AR: variants seen among roughly 807,000 people sequenced by gnomAD.
AR encodes the protein androgen receptor, also known as dihydrotestosterone receptor.
In AR, 8 loss-of-function variants were observed where a neutral mutation model predicts 53.9. The ratio of observed to expected loss-of-function variants is 0.15; its 90% CI spans 0.09 to 0.27. The LOEUF (loss-of-function observed/expected upper bound fraction) is 0.27, where lower values mean the gene tolerates loss of function less well. Among genes scored for constraint, AR ranks in the 10% least tolerant of loss-of-function variants. The pLI is 1.00. For missense variants in AR, 639 were observed against 742.5 expected, an observed-to-expected ratio of 0.86 and a Z score of 1.62; for synonymous variants, 359 against 316.4, an observed-to-expected ratio of 1.13 and a Z score of -1.43.
At chrX:67,581,069 C>T (rs1240131739) in intron 1 of AR, among the ~76,000 whole-genome samples, 1 of 111,488 alleles carries the variant, frequency 9.0e-6, no homozygotes, top group Non-Finnish European at 1.9e-5. Context: ...TAATTATCTC[C>T]AGGTCTAAAC....
intron 1 of AR, among the ~76,000 whole-genome samples, chrX:67,621,989 G>T (rs769390752): frequency 3.6e-5 from 4 of 111,713 alleles, no homozygotes; most frequent in African/African-American, 1.3e-4. Flanking sequence ...TGATCTTGAA[G>T]AAATCAAAAT....
At chrX:67,718,768 G>T (rs573549410) in intron 5 of AR, among the ~76,000 whole-genome samples, 1 of 111,065 alleles carries the variant, frequency 9.0e-6, no homozygotes, top group Admixed American at 9.5e-5. Flanking sequence ...CGAGTAGCTG[G>T]GATTATAGAT....
At chrX:67,709,275 C>T (rs996443057) in intron 3 of AR, among the ~76,000 whole-genome samples, 63 of 112,174 alleles carry the variant, frequency 5.6e-4, no homozygotes, top group Middle Eastern at 4.6e-3. Flanking sequence ...CCTTGAGTTG[C>T]GGTAGGCTCC....
intron 6 of AR, among the ~76,000 whole-genome samples, chrX:67,722,372 A>T (rs923112666): frequency 2.7e-5 from 3 of 111,666 alleles, no homozygotes; most frequent in African/African-American, 9.8e-5. Flanking sequence ...ACAGGAGGAG[A>T]TCTATGTAAG....
chrX:67,570,799 G>C (rs1432565354), intron 1 of AR, among the ~76,000 whole-genome samples: 3 of 110,721 alleles, frequency 2.7e-5, no homozygotes, highest in African/African-American at 6.6e-5. Flanking sequence ...GTTTTGTTTG[G>C]GTTTTTGTTT....
intron 1 of AR, among the ~76,000 whole-genome samples, chrX:67,586,450 T>A (rs1400996888): frequency 8.9e-6 from 1 of 112,266 alleles, no homozygotes; most frequent in East Asian, 2.8e-4. Flanking sequence ...TGTCTGTAAC[T>A]CCTTTATCAC....
At chrX:67,643,738 G>A (rs1925913373) in intron 2 of AR, among the ~76,000 whole-genome samples, 1 of 111,885 alleles carries the variant, frequency 8.9e-6, no homozygotes, top group Non-Finnish European at 1.9e-5. Context: ...GCTAGTAAAG[G>A]AAAAATTTGT....
rs1389208368 is a variant in AR at position 67,544,758 on chromosome X, C to A, written c.-389C>A. 1 of 182,958 alleles carries A rather than the reference C, an allele frequency of 5.5e-6. No homozygotes were observed. Among genetic ancestry groups the A allele is most frequent in the Non-Finnish European group, 1.0e-5 (1 of 98,097 alleles). The allele number at this position is 182,958 out of a possible 1,213,427, so 15.1% of individuals were successfully genotyped here. ...AGCCAAAAAACAAAACAAACAAAAACAAAAAAGCCGAAATAAAAGAAAAAG... is the reference window on the plus strand; with the variant it reads ...AGCCAAAAAACAAAACAAACAAAAAAAAAAAAGCCGAAATAAAAGAAAAAG... On this transcript the variant is annotated 5_prime_UTR_variant, in exon 1 of 8. Transcript: ENST00000374690.
At chrX:67,667,671 T>C (rs1927340908) in intron 2 of AR, among the ~76,000 whole-genome samples, 1 of 111,855 alleles carries the variant, frequency 8.9e-6, no homozygotes, top group South Asian at 3.7e-4. Context: ...ATTTTAACAA[T>C]ATCAATTCTT....
In AR at chrX:67,724,670, G is replaced by GA. The variant is rs2076151142; in HGVS notation, c.*833dup. 5.8e-6 allele frequency: 1 copy of GA among 173,774 alleles called. No homozygotes were observed. The highest frequency in any genetic ancestry group is 3.2e-4 in the South Asian group (1 of 3,119). 14.3% of individuals were successfully genotyped at this position (173,774 alleles called of 1,213,427 possible). A position where few individuals can be genotyped will look rare whatever the true frequency, so the allele number is the denominator to read the frequency against. On this transcript the variant is annotated 3_prime_UTR_variant, in exon 8 of 8. Coordinates refer to ENST00000374690, the MANE Select transcript of AR (RefSeq NM_000044.6). ...CAACTGTGGAGCAATTCATTATACT[G>GA]AAAATGTGCTTGTTGTTGAAAATTT...
rs2147436782 is a variant in AR at position 67,643,413 on chromosome X, G to A, written c.1768+6G>A. 8.3e-7 allele frequency: 1 copy of A among 1,205,860 alleles called. No individual in the cohort carries two copies. Among genetic ancestry groups the A allele is most frequent in the Non-Finnish European group, 1.1e-6 (1 of 892,392 alleles). ...CTTCAAAAGAGCCGCTGAAGGTAAAGGGTCTTGCACATGCACTTCTCTTTC... is the reference window on the plus strand; with the variant it reads ...CTTCAAAAGAGCCGCTGAAGGTAAAAGGTCTTGCACATGCACTTCTCTTTC... On this transcript the variant is annotated splice_donor_region_variant and intron_variant, in intron 2 of 7. Transcript: ENST00000374690.
At chrX:67,708,099 C>T (rs772117992) in intron 3 of AR, among the ~76,000 whole-genome samples, 5 of 111,307 alleles carry the variant, frequency 4.5e-5, no homozygotes, top group East Asian at 2.8e-4. Flanking sequence ...TCAACTTTGG[C>T]GAATCTGATA....
intron 1 of AR, among the ~76,000 whole-genome samples, chrX:67,584,699 A>G (rs1394121896): frequency 8.9e-6 from 1 of 112,247 alleles, no homozygotes; most frequent in Non-Finnish European, 1.9e-5. Flanking sequence ...CAGAAGGTAG[A>G]AAGGTTGGGA....
At chrX:67,629,553 A>G (rs1226463120) in intron 1 of AR, among the ~76,000 whole-genome samples, 7 of 108,438 alleles carry the variant, frequency 6.5e-5, no homozygotes, top group Non-Finnish European at 7.7e-5. Flanking sequence ...TCTTGCTAGC[A>G]GTCTATCAAT....
intron 1 of AR, among the ~76,000 whole-genome samples, chrX:67,576,754 C>T (rs1922064510): frequency 9.0e-6 from 1 of 110,503 alleles, no homozygotes; most frequent in South Asian, 3.9e-4. Flanking sequence ...GGTAGATGTA[C>T]CAGAGCAGGA....
At chrX:67,700,357 T>A (rs1458864111) in intron 3 of AR, among the ~76,000 whole-genome samples, 1 of 111,339 alleles carries the variant, frequency 9.0e-6, no homozygotes, top group African/African-American at 3.3e-5. Context: ...AGGAGGGGCA[T>A]AAGGATGGCC....
At chrX:67,713,654 G>T (rs761838163) in intron 4 of AR, among the ~76,000 whole-genome samples, 4 of 112,061 alleles carry the variant, frequency 3.6e-5, no homozygotes, top group Non-Finnish European at 7.5e-5. Flanking sequence ...TTAACACATG[G>T]AACCAGAACT....
intron 1 of AR, among the ~76,000 whole-genome samples, chrX:67,599,633 C>A (rs1923251326): frequency 8.9e-6 from 1 of 111,771 alleles, no homozygotes; most frequent in Non-Finnish European, 1.9e-5. Context: ...ATGCTACCAA[C>A]AAAAATGAGT....
At chrX:67,661,207 C>G (rs1926892037) in intron 2 of AR, among the ~76,000 whole-genome samples, 1 of 111,059 alleles carries the variant, frequency 9.0e-6, no homozygotes, top group Non-Finnish European at 1.9e-5. Context: ...CCCTTTATTT[C>G]CTTCTCCTGC....
Sources: allele counts gnomAD v4.1 joint callset (sites outside exome capture counted in the v4.1 genomes callset), GRCh38; gene constraint gnomAD v4.1.1; transcripts MANE v1.5; gene names NCBI Gene and HGNC (gene_info 2026-07-23, HGNC 2026-07-21).